LINGO2: variants seen among roughly 807,000 people sequenced by gnomAD.
LINGO2 encodes the protein leucine rich repeat and Ig domain containing 2, also known as leucine-rich repeat and immunoglobulin-like domain-containing nogo receptor-interacting protein 2.
Under a neutral mutation model 30.6 loss-of-function variants are expected in LINGO2, and 14 were observed. The observed-to-expected ratio is 0.46, with a 90% CI of 0.30 to 0.72. The LOEUF (loss-of-function observed/expected upper bound fraction) is 0.72, where lower values mean the gene tolerates loss of function less well. Ranked by LOEUF, LINGO2 falls within the 30% of genes least tolerant of loss-of-function variation. LINGO2 has a pLI of 0.07. For synonymous variants in LINGO2, 317 were observed against 288.5 expected, an observed-to-expected ratio of 1.10 and a Z score of -1.00; for missense variants, 729 against 751.7, an observed-to-expected ratio of 0.97 and a Z score of 0.35.
At chr9:28,869,251 G>A in the LINGO2 span, among the ~76,000 whole-genome samples, 1 of 152,016 alleles carries the variant, frequency 6.6e-6, no homozygotes. Context: ...GAGTCATCAG[G>A]TAAACTGACA....
At chr9:28,375,139 C>CACA (rs1459996061) in intron 2 of LINGO2, among the ~76,000 whole-genome samples, 24 of 122,042 alleles carry the variant, frequency 2.0e-4, no homozygotes, top group South Asian at 7.1e-4. Flanking sequence ...CACACATACA[C>CACA]CCCACACTAA....
intron 1 of LINGO2, among the ~76,000 whole-genome samples, chr9:28,627,225 AGGT>A (rs1826721860): frequency 6.6e-6 from 1 of 152,058 alleles, no homozygotes; most frequent in Non-Finnish European, 1.5e-5. Context: ...GTATTTATGA[AGGT>A]CTCTCTATTC....
chr9:28,680,728 C>A, the LINGO2 span, among the ~76,000 whole-genome samples: 4 of 151,874 alleles, frequency 2.6e-5, no homozygotes, highest in African/African-American at 7.3e-5. Context: ...TTAGTGATTG[C>A]GAGCATTTTT....
intron 5 of LINGO2, among the ~76,000 whole-genome samples, chr9:27,982,238 T>G (rs1820914649): frequency 6.6e-6 from 1 of 151,840 alleles, no homozygotes; most frequent in African/African-American, 2.4e-5. Context: ...CCCAAATGGA[T>G]GGTCAGATGC....
At chr9:28,202,114 C>T (rs920079226) in intron 4 of LINGO2, among the ~76,000 whole-genome samples, 2 of 152,092 alleles carry the variant, frequency 1.3e-5, no homozygotes, top group African/African-American at 2.4e-5. Context: ...CCAAATTTCC[C>T]CTTTTTATAA....
At chr9:28,040,511 C>T (rs952240364) in intron 4 of LINGO2, among the ~76,000 whole-genome samples, 5 of 78,600 alleles carry the variant, frequency 6.4e-5, no homozygotes, top group Admixed American at 2.5e-4. Context: ...TCTTTCCCCT[C>T]GAAAGGTTCA....
the LINGO2 span, among the ~76,000 whole-genome samples, chr9:28,833,162 A>G: frequency 1.2e-4 from 19 of 152,180 alleles, 1 homozygote; most frequent in Admixed American, 1.2e-3. Context: ...TGTACTGCCT[A>G]ATTTTGCAAG....
the LINGO2 span, among the ~76,000 whole-genome samples, chr9:29,157,419 T>G: frequency 6.6e-6 from 1 of 152,114 alleles, no homozygotes; most frequent in Non-Finnish European, 1.5e-5. Context: ...TGAAAACATG[T>G]GAGAAACAAA....
At chr9:28,666,083 G>C (rs1349970407) in intron 1 of LINGO2, among the ~76,000 whole-genome samples, 1 of 151,794 alleles carries the variant, frequency 6.6e-6, no homozygotes. Context: ...GTAGAGACGG[G>C]GTTTCACCAT....
At chr9:28,683,101 A>AT in the LINGO2 span, among the ~76,000 whole-genome samples, 5 of 151,960 alleles carry the variant, frequency 3.3e-5, no homozygotes, top group African/African-American at 1.2e-4. Context: ...TATTTTTGGT[A>AT]TTTTTTGCTT....
At chr9:28,138,796 G>A (rs1404946332) in intron 4 of LINGO2, among the ~76,000 whole-genome samples, 2 of 152,010 alleles carry the variant, frequency 1.3e-5, no homozygotes, top group African/African-American at 4.8e-5. Flanking sequence ...TATTTTCAAC[G>A]ACTATACATC....
At chr9:28,881,881 G>A in the LINGO2 span, among the ~76,000 whole-genome samples, 6 of 152,216 alleles carry the variant, frequency 3.9e-5, no homozygotes, top group East Asian at 1.9e-4. Flanking sequence ...TTTAGCTTCC[G>A]CTTATAAGCG....
intron 4 of LINGO2, among the ~76,000 whole-genome samples, chr9:28,095,661 A>G (rs1389200545): frequency 2.0e-5 from 3 of 152,152 alleles, no homozygotes; most frequent in African/African-American, 7.2e-5. Context: ...CAAGGACTTC[A>G]TGTCTAAAAC....
intron 5 of LINGO2, among the ~76,000 whole-genome samples, chr9:27,986,880 A>C (rs547818676): frequency 2.6e-5 from 4 of 151,996 alleles, no homozygotes; most frequent in Non-Finnish European, 5.9e-5. Flanking sequence ...ATGTTCTACT[A>C]TCCAAGAAGA....
chr9:28,660,000 G>A (rs968846825), intron 1 of LINGO2, among the ~76,000 whole-genome samples: 5 of 152,104 alleles, frequency 3.3e-5, no homozygotes, highest in African/African-American at 1.2e-4. Context: ...ATGTCAGATA[G>A]AAAAAGGAAT....
At chr9:29,148,841 C>G in the LINGO2 span, among the ~76,000 whole-genome samples, 2 of 151,986 alleles carry the variant, frequency 1.3e-5, no homozygotes, top group Non-Finnish European at 2.9e-5. Flanking sequence ...ACAGGAATAA[C>G]AAAATAAAAG....
the LINGO2 span, among the ~76,000 whole-genome samples, chr9:28,931,507 T>C: frequency 6.6e-6 from 1 of 152,206 alleles, no homozygotes; most frequent in Non-Finnish European, 1.5e-5. Context: ...GACTTCTTTC[T>C]AATAAAGGTG....
the LINGO2 span, among the ~76,000 whole-genome samples, chr9:28,982,836 C>A: frequency 6.6e-6 from 1 of 151,980 alleles, no homozygotes; most frequent in East Asian, 1.9e-4. Flanking sequence ...GCAGATACCA[C>A]CAATAATATA....
the LINGO2 span, among the ~76,000 whole-genome samples, chr9:29,145,183 T>A: frequency 6.6e-6 from 1 of 152,270 alleles, no homozygotes; most frequent in African/African-American, 2.4e-5. Flanking sequence ...ATCCCCTACA[T>A]GTAATTATAA....
Sources: gnomAD v4.1 joint callset for allele counts (sites outside exome capture counted in the v4.1 genomes callset) on GRCh38, gnomAD v4.1.1 for gene constraint, MANE v1.5 for transcripts, NCBI Gene and HGNC (gene_info 2026-07-23, HGNC 2026-07-21) for gene names.